Variants in CFAP20DC observed in about 807,000 individuals in gnomAD.
CFAP20DC encodes protein CFAP20DC.
A neutral mutation model predicts 101.7 loss-of-function variants in CFAP20DC; 84 were observed. The ratio of observed to expected loss-of-function variants is 0.83; its 90% CI spans 0.69 to 0.99. The LOEUF (loss-of-function observed/expected upper bound fraction) is 0.99, where lower values mean the gene tolerates loss of function less well. Among genes scored for constraint, CFAP20DC ranks in the 50% least tolerant of loss-of-function variants. CFAP20DC has a pLI of 0.00. For missense variants in CFAP20DC, 1,007 were observed against 970.3 expected (o/e 1.04, Z -0.50); for synonymous variants, 359 against 351.2 (o/e 1.02, Z -0.25).
intron 12 of CFAP20DC, among the ~76,000 whole-genome samples, chr3:58,850,016 A>T (rs1022279263): frequency 1.3e-5 from 2 of 152,216 alleles, no homozygotes; most frequent in African/African-American, 2.4e-5. Context: ...AACGTCATTA[A>T]ATATAAATAC....
chr3:58,741,093 A>T (rs2067870864), downstream of CFAP20DC, among the ~76,000 whole-genome samples: 1 of 152,232 alleles, frequency 6.6e-6, no homozygotes, highest in Middle Eastern at 3.2e-3. Context: ...TCTATCAAGC[A>T]ATATTAAATG....
chr3:58,823,529 A>G (rs899001294), intron 14 of CFAP20DC, among the ~76,000 whole-genome samples: 1 of 152,162 alleles, frequency 6.6e-6, no homozygotes, highest in African/African-American at 2.4e-5. Context: ...GAGCAATTCT[A>G]TGAAATAAAT....
chr3:58,942,126 G>A (rs1236600235), intron 4 of CFAP20DC, among the ~76,000 whole-genome samples: 2 of 151,958 alleles, frequency 1.3e-5, no homozygotes, highest in Admixed American at 6.5e-5. Context: ...AAATTATCCT[G>A]TTGTTTTTCA....
rs75044650 is a variant in CFAP20DC, at chr3:59,049,538, C to T, written c.21+73G>A. Reference sequence around the variant, plus strand: ...ATGGGGATAGAGGGTGCACTTTATCCTCACCCCGATCACGGACTACCTCAC... The same window carrying T: ...ATGGGGATAGAGGGTGCACTTTATCTTCACCCCGATCACGGACTACCTCAC... On this transcript the variant is annotated intron_variant, in intron 1 of 16. Transcript: ENST00000482387. The T allele has an allele frequency of 1.4e-4, 196 of 1,384,228 alleles. 2 individuals are homozygous for T. The East Asian group carries it at 4.8e-3, about 34-fold the overall frequency. 85.7% of individuals were successfully genotyped at this position (1,384,228 alleles called of 1,614,324 possible). A position where few individuals can be genotyped will look rare whatever the true frequency, so the allele number is the denominator to read the frequency against.
At chr3:59,045,645 T>C (rs1325547702) in intron 3 of CFAP20DC, among the ~76,000 whole-genome samples, 4 of 152,136 alleles carry the variant, frequency 2.6e-5, no homozygotes, top group African/African-American at 4.8e-5. Context: ...TAAACAAGAA[T>C]TGAAATAGAT....
At chr3:58,794,929 G>A (rs754310772) in intron 15 of CFAP20DC, among the ~76,000 whole-genome samples, 10 of 152,164 alleles carry the variant, frequency 6.6e-5, no homozygotes, top group Non-Finnish European at 1.5e-4. Context: ...TTAAATGACA[G>A]GGAAGCTATC....
intron 13 of CFAP20DC, among the ~76,000 whole-genome samples, chr3:58,842,805 G>A (rs1230101197): frequency 6.6e-6 from 1 of 152,220 alleles, no homozygotes; most frequent in Non-Finnish European, 1.5e-5. Flanking sequence ...CCAGCACGCA[G>A]CTGGAGATCT....
Position 58,971,868 on chromosome 3 carries a change from C to CAT in CFAP20DC, c.279-34107_279-34106insAT, listed in dbSNP as rs1471228250. 2.0e-5 allele frequency among the ~76,000 whole-genome samples: 3 copies of CAT among 147,058 alleles called. No individual in the cohort carries two copies. Among genetic ancestry groups the CAT allele is most frequent in the Admixed American group, 1.3e-4 (2 of 14,990 alleles). On this transcript the variant is annotated intron_variant, in intron 4 of 16. Coordinates refer to ENST00000482387, the MANE Select transcript of CFAP20DC (RefSeq NM_001394063.1). The surrounding 1 kb of genome is among the most constrained non-coding windows in gnomAD (Gnocchi z 4.1). ...AATATCATACACACGCACACATACA[C>CAT]ACACACACACACACACACACACACA...
At chr3:58,926,239 G>A (rs1313162803) in intron 5 of CFAP20DC, among the ~76,000 whole-genome samples, 3 of 151,608 alleles carry the variant, frequency 2.0e-5, no homozygotes, top group Non-Finnish European at 4.4e-5. Flanking sequence ...GATGGCAGCC[G>A]CCTATAGTCC....
Position 58,863,545 on chromosome 3 carries a change from T to C in CFAP20DC, c.1593+13A>G, listed in dbSNP as rs1294707159. 1.9e-6 allele frequency: 3 copies of C among 1,613,286 alleles called. No individual in the cohort carries two copies. The highest frequency in any genetic ancestry group is 1.7e-5 in the Admixed American group (1 of 59,996). On this transcript the variant is annotated intron_variant, in intron 12 of 16. Transcript: ENST00000482387. The surrounding 1 kb of genome is among the most constrained non-coding windows in gnomAD (Gnocchi z 5.9). ...CTGTGCTTCAAGACTACTTCACTTA[T>C]CAAGCAGTGTACCTCTTCACTGCTG...
In CFAP20DC at chr3:58,882,227, T is replaced by A. The variant is rs1398548240; in HGVS notation, c.715+2318A>T. ...TTTTATGGAAATTGCAAAATATATATTAATATCCTCTTTTATGAGTTGGGT... is the reference window on the plus strand; with the variant it reads ...TTTTATGGAAATTGCAAAATATATAATAATATCCTCTTTTATGAGTTGGGT... On this transcript the variant is annotated intron_variant, in intron 7 of 16. Coordinates refer to ENST00000482387, the MANE Select transcript of CFAP20DC (RefSeq NM_001394063.1). The surrounding 1 kb of genome is among the most constrained non-coding windows in gnomAD (Gnocchi z 4.2). 6.6e-6 allele frequency among the ~76,000 whole-genome samples: 1 copy of A among 152,148 alleles called. No individual in the cohort carries two copies. Among genetic ancestry groups the A allele is most frequent in the African/African-American group, 2.4e-5 (1 of 41,456 alleles).
chr3:58,850,781 C>T lies in CFAP20DC; in HGVS notation c.1594-1372G>A, dbSNP rs113561405. On this transcript the variant is annotated intron_variant, in intron 12 of 16. Coordinates refer to ENST00000482387, the MANE Select transcript of CFAP20DC (RefSeq NM_001394063.1). ...AGTTTCAGTAAGCTATTCCTTCACC[C>T]TTCAATTTATAGACACACAGAACCC... Among the ~76,000 whole-genome samples the T allele has an allele frequency of 1.7e-4, 26 of 152,262 alleles. 2 individuals carry two copies. Among genetic ancestry groups the T allele is most frequent in the African/African-American group, 6.0e-4 (25 of 41,572 alleles).
intron 4 of CFAP20DC, among the ~76,000 whole-genome samples, chr3:58,949,543 C>T (rs1162202709): frequency 6.6e-6 from 1 of 152,034 alleles, no homozygotes; most frequent in Non-Finnish European, 1.5e-5. Context: ...CGTTATGTAT[C>T]CAGTAGTCAT....
intron 3 of CFAP20DC, 114 bp from the exon 4 acceptor site, chr3:59,039,743 T>C (rs1291903998): frequency 4.3e-5 from 25 of 587,732 alleles, no homozygotes; most frequent in South Asian, 5.2e-5. Context: ...CAGTAATACA[T>C]AGAACTGCAA....
intron 4 of CFAP20DC, among the ~76,000 whole-genome samples, chr3:58,966,337 C>A (rs765509698): frequency 2.6e-5 from 4 of 152,116 alleles, no homozygotes; most frequent in South Asian, 2.1e-4. Context: ...AATTCCACTC[C>A]CTCCTGAAAC....
chr3:58,866,963 A>C (rs1376406244), intron 10 of CFAP20DC, among the ~76,000 whole-genome samples: 1 of 152,164 alleles, frequency 6.6e-6, no homozygotes, highest in Non-Finnish European at 1.5e-5. Context: ...AAACCCATAA[A>C]ATTTTTAAAG....
At chr3:58,794,907 G>A (rs938670207) in intron 15 of CFAP20DC, among the ~76,000 whole-genome samples, 4 of 152,162 alleles carry the variant, frequency 2.6e-5, no homozygotes, top group Non-Finnish European at 5.9e-5. Flanking sequence ...TTATGCTGTA[G>A]GGGTTCCCTG....
rs990764485 is a variant in CFAP20DC at position 58,892,651 on chromosome 3, T to C, written c.551-7942A>G. On this transcript the variant is annotated intron_variant, in intron 6 of 16. Transcript: ENST00000482387. The surrounding 1 kb of genome is among the most constrained non-coding windows in gnomAD (Gnocchi z 4.0). ...TCTCTGCTTGCCTGTTGTTGGTGTA[T>C]AGGAATGCTAGCAATGTTTGCACAT... 1.3e-5 allele frequency among the ~76,000 whole-genome samples: 2 copies of C among 152,178 alleles called. No individual in the cohort carries two copies. The highest frequency in any genetic ancestry group is 2.9e-5 in the Non-Finnish European group (2 of 68,028).
intron 5 of CFAP20DC, among the ~76,000 whole-genome samples, chr3:58,923,973 C>A (rs1052206138): frequency 7.2e-5 from 11 of 152,034 alleles, no homozygotes; most frequent in Non-Finnish European, 1.2e-4. Context: ...TTTCTATATT[C>A]CTGATTTCAA....
Sources: gnomAD v4.1 joint callset for allele counts (sites outside exome capture counted in the v4.1 genomes callset) on GRCh38, gnomAD v4.1.1 for gene constraint, Gnocchi (gnomAD v3.1) non-coding constraint, MANE v1.5 for transcripts, NCBI Gene and HGNC (gene_info 2026-07-23, HGNC 2026-07-21) for gene names.